SEC22A: variants seen among roughly 807,000 people sequenced by gnomAD.
SEC22A encodes the protein SEC22 homolog A, vesicle trafficking protein, also known as vesicle-trafficking protein SEC22a.
SEC22A carries 22 observed loss-of-function variants against 35.3 expected under a neutral mutation model. The observed-to-expected ratio is 0.62, with a 90% CI of 0.45 to 0.89. The LOEUF is 0.89. Among genes scored for constraint, SEC22A ranks in the 40% least tolerant of loss-of-function variants. The pLI is 0.00. For missense variants in SEC22A, 354 were observed against 362.5 expected (o/e 0.98, Z 0.19); for synonymous variants, 119 against 129.5 (o/e 0.92, Z 0.55).
chr3:123,205,396 G>A (rs1936834368), intron 1 of SEC22A, among the ~76,000 whole-genome samples: 1 of 152,130 alleles, frequency 6.6e-6, no homozygotes, highest in African/African-American at 2.4e-5. Context: ...GTACATATTA[G>A]GAAAATTTGA....
At chr3:123,248,099 A>C (rs973811244) in intron 5 of SEC22A, among the ~76,000 whole-genome samples, 1 of 152,202 alleles carries the variant, frequency 6.6e-6, no homozygotes, top group Non-Finnish European at 1.5e-5. Context: ...CGTACAGCTA[A>C]CATCATCTTT....
At chr3:123,234,892 G>A (rs960013391) in intron 4 of SEC22A, among the ~76,000 whole-genome samples, 2 of 151,906 alleles carry the variant, frequency 1.3e-5, no homozygotes, top group Non-Finnish European at 1.5e-5. Flanking sequence ...GCGTGGTGGC[G>A]CACGCCTGTA....
At chr3:123,229,689 C>A (rs1213232726) in intron 4 of SEC22A, among the ~76,000 whole-genome samples, 1 of 151,930 alleles carries the variant, frequency 6.6e-6, no homozygotes, top group Non-Finnish European at 1.5e-5. Flanking sequence ...TGGTGAAACC[C>A]CGTCTCTACC....
In SEC22A at chr3:123,273,153, T is replaced by G. The variant is rs1485646869; in HGVS notation, c.*1431T>G. On this transcript the variant is annotated 3_prime_UTR_variant, in exon 7 of 7. Transcript: ENST00000492595. ...TCCAGAAAAACAGATCCCATTACAT[T>G]GTAATTGTTGTTACTAGGCATATTT... The G allele has an allele frequency of 6.6e-6, 1 of 152,272 alleles. No homozygotes were observed. Among genetic ancestry groups the G allele is most frequent in the East Asian group, 1.9e-4 (1 of 5,196 alleles). The allele number at this position is 152,272 out of a possible 1,614,324, so 9.4% of individuals were successfully genotyped here. A position where few individuals can be genotyped will look rare whatever the true frequency, so the allele number is the denominator to read the frequency against.
intron 3 of SEC22A, among the ~76,000 whole-genome samples, chr3:123,224,001 G>A (rs149921792): frequency 3.9e-4 from 60 of 152,258 alleles, no homozygotes; most frequent in Admixed American, 2.6e-3. Context: ...AGACTTTTGC[G>A]TTTCTGTAAT....
At chr3:123,236,099 A>G (rs1937415094) in intron 4 of SEC22A, among the ~76,000 whole-genome samples, 1 of 152,212 alleles carries the variant, frequency 6.6e-6, no homozygotes, top group Non-Finnish European at 1.5e-5. Flanking sequence ...TTTGGGGGTG[A>G]TGAAAATATG....
At chr3:123,215,940 G>T (rs1404858869) in intron 2 of SEC22A, among the ~76,000 whole-genome samples, 2 of 152,162 alleles carry the variant, frequency 1.3e-5, no homozygotes, top group Non-Finnish European at 2.9e-5. Context: ...TCTCATTGTA[G>T]ACTAGGTGTT....
chr3:123,217,713 A>T (rs957298134), intron 2 of SEC22A, among the ~76,000 whole-genome samples: 1 of 152,324 alleles, frequency 6.6e-6, no homozygotes, highest in East Asian at 1.9e-4. Context: ...TCAGTTCATA[A>T]ATCAGTTTGT....
At chr3:123,247,806 A>G (rs1189865322) in intron 5 of SEC22A, among the ~76,000 whole-genome samples, 2 of 152,194 alleles carry the variant, frequency 1.3e-5, no homozygotes, top group South Asian at 2.1e-4. Flanking sequence ...GAATATTGAT[A>G]CAAAATCCTC....
chr3:123,210,047 A>G (rs1175164445), intron 2 of SEC22A, among the ~76,000 whole-genome samples: 2 of 152,204 alleles, frequency 1.3e-5, no homozygotes, highest in African/African-American at 4.8e-5. Flanking sequence ...AAGTGAGGCC[A>G]GAAAGGTAGG....
chr3:123,236,512 A>T (rs1471633246), intron 4 of SEC22A, among the ~76,000 whole-genome samples: 1 of 152,152 alleles, frequency 6.6e-6, no homozygotes, highest in East Asian at 1.9e-4. Context: ...GCTTTTACCC[A>T]TTTTGGAGAG....
intron 2 of SEC22A, among the ~76,000 whole-genome samples, chr3:123,220,644 A>G (rs987390327): frequency 2.6e-5 from 4 of 152,142 alleles, no homozygotes; most frequent in African/African-American, 9.6e-5. Flanking sequence ...GCTGTAGTTC[A>G]CTAAACTAGT....
chr3:123,211,157 C>T (rs547435639), intron 2 of SEC22A, among the ~76,000 whole-genome samples: 1 of 152,200 alleles, frequency 6.6e-6, no homozygotes, highest in East Asian at 1.9e-4. Context: ...AGAGATAAGG[C>T]AGAGAGGCCA....
chr3:123,259,584 T>C lies in SEC22A; in HGVS notation c.718T>C (p.Tyr240His), dbSNP rs919684055. Residue 240 changes from tyrosine (Y) to histidine (H), a missense_variant, in exon 6 of 7, where the codon TAC becomes CAC. Physicochemically the swap from Tyr to His is moderately conservative, Grantham distance 83 (BLOSUM62 2). Transcript: ENST00000492595. The part of the protein sequence containing the change: ...AFFLGTAACL[Y>H]QCYLLVYYTG... ...TTTCCTTGGAACAGCAGCCTGCCTT[T>C]ACCAGGTAGGTTTTCTTCCATTTTA... 2.5e-6 allele frequency: 4 copies of C among 1,609,884 alleles called. No homozygotes were observed. In the African/African-American group the frequency reaches 4.0e-5, roughly 16 times the overall value.
rs1329294183 is a variant in SEC22A at position 123,272,569 on chromosome 3, C to T, written c.*847C>T. 6.6e-6 allele frequency: 1 copy of T among 152,012 alleles called. No homozygotes were observed. 9.4% of individuals were successfully genotyped at this position (152,012 alleles called of 1,614,324 possible). A position where few individuals can be genotyped will look rare whatever the true frequency, so the allele number is the denominator to read the frequency against. On this transcript the variant is annotated 3_prime_UTR_variant, in exon 7 of 7. Coordinates refer to ENST00000492595, the MANE Select transcript of SEC22A (RefSeq NM_012430.5). Reference sequence around the variant, plus strand: ...CAGTTTGCCATAAATAAAAGGTAACCACAAAATAAGTAAGATGAACACAAA... The same window carrying T: ...CAGTTTGCCATAAATAAAAGGTAACTACAAAATAAGTAAGATGAACACAAA...
chr3:123,242,965 T>A lies in SEC22A; in HGVS notation c.542-2934T>A, dbSNP rs570211902. Among the ~76,000 whole-genome samples, 128 of 152,268 alleles carry A rather than the reference T, an allele frequency of 8.4e-4. 1 individual carries two copies. Among genetic ancestry groups the A allele is most frequent in the Middle Eastern group, 3.4e-3 (1 of 294 alleles). ...TAATCTTCTTTAAGTATAACCTTCATCATATGAGAATCTTGTTCTTCAGTG... is the reference window on the plus strand; with the variant it reads ...TAATCTTCTTTAAGTATAACCTTCAACATATGAGAATCTTGTTCTTCAGTG... On this transcript the variant is annotated intron_variant, in intron 4 of 6. Coordinates refer to ENST00000492595, the MANE Select transcript of SEC22A (RefSeq NM_012430.5).
chr3:123,212,985 A>T (rs1410259526), intron 2 of SEC22A, among the ~76,000 whole-genome samples: 2 of 152,220 alleles, frequency 1.3e-5, no homozygotes, highest in African/African-American at 4.8e-5. Context: ...CAGCATTTGG[A>T]TAACATTCTT....
intron 4 of SEC22A, among the ~76,000 whole-genome samples, chr3:123,229,794 G>A (rs902598746): frequency 7.9e-5 from 12 of 151,938 alleles, no homozygotes; most frequent in African/African-American, 4.8e-5. Context: ...CCCGGGAGGC[G>A]GAGATTGCCG....
At chr3:123,212,087 G>T (rs907299276) in intron 2 of SEC22A, among the ~76,000 whole-genome samples, 2 of 151,926 alleles carry the variant, frequency 1.3e-5, no homozygotes, top group Non-Finnish European at 2.9e-5. Flanking sequence ...ATAAATTGAG[G>T]TTTTGACAAG....
Sources: gnomAD v4.1 joint callset for allele counts (sites outside exome capture counted in the v4.1 genomes callset) on GRCh38, gnomAD v4.1.1 for gene constraint, MANE v1.5 for transcripts, NCBI Gene and HGNC (gene_info 2026-07-23, HGNC 2026-07-21) for gene names.